The following KCNQ5 variants were observed in gnomAD, a reference collection of about 807,000 sequenced individuals.
The protein encoded by KCNQ5 is potassium voltage-gated channel subfamily Q member 5.
Under a neutral mutation model 98.2 loss-of-function variants are expected in KCNQ5, and 30 were observed. The observed-to-expected ratio is 0.31, with a 90% CI of 0.23 to 0.41. KCNQ5 has a LOEUF of 0.41. Ranked by LOEUF, KCNQ5 falls within the 10% of genes least tolerant of loss-of-function variation. KCNQ5 has a pLI of 1.00. For synonymous variants in KCNQ5, 458 were observed against 449.4 expected, an observed-to-expected ratio of 1.02 and a Z score of -0.24; for missense variants, 835 against 1,182.5, an observed-to-expected ratio of 0.71 and a Z score of 4.31.
chr6:72,961,503 T>A (rs1267992558), intron 1 of KCNQ5, among the ~76,000 whole-genome samples: 1 of 151,326 alleles, frequency 6.6e-6, no homozygotes, highest in Non-Finnish European at 1.5e-5. Context: ...GCGCCTGTAG[T>A]CCCAGCTACT....
chr6:72,655,660 TAGG>T (rs1338910391), intron 1 of KCNQ5, among the ~76,000 whole-genome samples: 1 of 152,128 alleles, frequency 6.6e-6, no homozygotes, highest in East Asian at 1.9e-4. Flanking sequence ...GGAAGACTGA[TAGG>T]AGATTTGGAT....
chr6:72,758,276 C>A (rs1772077578), intron 1 of KCNQ5, among the ~76,000 whole-genome samples: 2 of 152,090 alleles, frequency 1.3e-5, no homozygotes, highest in South Asian at 4.1e-4. Flanking sequence ...TAACTTAAAT[C>A]TTCCCAGCCC....
chr6:72,680,775 G>A (rs916087408), intron 1 of KCNQ5, among the ~76,000 whole-genome samples: 2 of 152,126 alleles, frequency 1.3e-5, no homozygotes, highest in African/African-American at 4.8e-5. Context: ...TTTCAATTAA[G>A]TATAAAAATA....
intron 1 of KCNQ5, among the ~76,000 whole-genome samples, chr6:72,784,365 G>A (rs1773633292): frequency 1.3e-5 from 2 of 152,216 alleles, no homozygotes; most frequent in Non-Finnish European, 1.5e-5. Flanking sequence ...AACCAGATAA[G>A]TGGATGAAAG....
chr6:73,058,020 T>G (rs1582272989), intron 3 of KCNQ5, among the ~76,000 whole-genome samples: 1 of 152,306 alleles, frequency 6.6e-6, no homozygotes, highest in African/African-American at 2.4e-5. Context: ...TAAATGGTGC[T>G]GGGATAACTG....
intron 5 of KCNQ5, among the ~76,000 whole-genome samples, chr6:73,088,250 G>A (rs554715825): frequency 1.3e-4 from 20 of 151,888 alleles, no homozygotes; most frequent in Non-Finnish European, 2.5e-4. Flanking sequence ...CAAACTCCTG[G>A]CCTCAGGTGA....
intron 1 of KCNQ5, among the ~76,000 whole-genome samples, chr6:72,733,138 G>A (rs1770640639): frequency 6.6e-6 from 1 of 152,108 alleles, no homozygotes; most frequent in African/African-American, 2.4e-5. Flanking sequence ...TAAGTTTAAG[G>A]GTAGCCTTAA....
intron 1 of KCNQ5, among the ~76,000 whole-genome samples, chr6:72,708,432 C>T (rs766477234): frequency 1.3e-5 from 2 of 152,022 alleles, no homozygotes; most frequent in Non-Finnish European, 2.9e-5. Context: ...TTCTTTTAGA[C>T]GTTCTTAAAG....
chr6:73,020,702 G>T (rs1415597150), intron 2 of KCNQ5, among the ~76,000 whole-genome samples: 2 of 151,928 alleles, frequency 1.3e-5, no homozygotes, highest in African/African-American at 4.8e-5. Context: ...GCTGCCTAGG[G>T]GTTTCCAGCT....
Position 72,787,134 on chromosome 6 carries a change from C to T in KCNQ5, c.398+164547C>T, listed in dbSNP as rs192548810. On this transcript the variant is annotated intron_variant, in intron 1 of 13. Transcript: ENST00000370398. The stretch of plus-strand genomic sequence containing the variant: ...CTGACCTGTGAGACAAATGCAGCCC[C>T]CCACCTGTTTTTGTACAGCCACAAA... Among the ~76,000 whole-genome samples the T allele has an allele frequency of 3.0e-4, 46 of 152,228 alleles. 1 individual carries two copies. In the East Asian group the frequency reaches 7.5e-3, roughly 25 times the overall value.
At chr6:73,083,066 T>C (rs1643394098) in intron 5 of KCNQ5, among the ~76,000 whole-genome samples, 1 of 151,984 alleles carries the variant, frequency 6.6e-6, no homozygotes, top group South Asian at 2.1e-4. Flanking sequence ...AATTTTTTAC[T>C]AATTTTTTGA....
rs1321196238 is a variant in KCNQ5, at chr6:72,933,503, T to C, written c.399-70405T>C. ...GATTTGCACCTTGCTTCTAACCATA[T>C]CGTGTTTGCTCAGTCTCTGCTCTGA... On this transcript the variant is annotated intron_variant, in intron 1 of 13. Transcript: ENST00000370398. Among the ~76,000 whole-genome samples the C allele has an allele frequency of 2.0e-5, 3 of 152,274 alleles. No individual in the cohort carries two copies. The South Asian group carries it at 6.2e-4, about 32-fold the overall frequency.
chr6:72,984,503 G>T (rs1768649093), intron 1 of KCNQ5, among the ~76,000 whole-genome samples: 2 of 152,180 alleles, frequency 1.3e-5, no homozygotes, highest in Admixed American at 1.3e-4. Context: ...CCATAGGCGT[G>T]AGACCCATCG....
Position 72,941,357 on chromosome 6 carries a change from T to TTTCCTTCCTTCCTTCCTTCC in KCNQ5, c.399-62549_399-62548insCCTTCCTTCCTTCCTTCCTT, listed in dbSNP as rs1766239727. ...CCTTCCTTCCTTTCTTCCTTCCTTC[T>TTTCCTTCCTTCCTTCCTTCC]TTTCTTCCTTCCTTCTTTCCTCCTT... On this transcript the variant is annotated intron_variant, in intron 1 of 13. Transcript: ENST00000370398. Among the ~76,000 whole-genome samples the TTTCCTTCCTTCCTTCCTTCC allele has an allele frequency of 3.1e-4, 11 of 35,972 alleles. No homozygotes were observed. In the South Asian group the frequency reaches 0.017, roughly 55 times the overall value. 23.6% of individuals were successfully genotyped at this position (35,972 alleles called of 152,430 possible).
chr6:72,885,980 C>T (rs1358578153), intron 1 of KCNQ5, among the ~76,000 whole-genome samples: 6 of 152,086 alleles, frequency 3.9e-5, no homozygotes, highest in African/African-American at 1.4e-4. Flanking sequence ...GTGTGTTCCC[C>T]CAAACCTAAG....
intron 1 of KCNQ5, chr6:72,986,758 C>T: frequency 1.4e-6 from 2 of 1,479,132 alleles, no homozygotes; most frequent in Non-Finnish European, 1.9e-6. Flanking sequence ...CCTCCCCAGA[C>T]CCCAGACAGG....
intron 1 of KCNQ5, among the ~76,000 whole-genome samples, chr6:72,870,788 G>T (rs558318225): frequency 6.6e-6 from 1 of 152,058 alleles, no homozygotes; most frequent in Non-Finnish European, 1.5e-5. Flanking sequence ...ATTATACAGT[G>T]TACTAATAAT....
At chr6:72,664,240 A>G (rs1158016580) in intron 1 of KCNQ5, among the ~76,000 whole-genome samples, 2 of 152,226 alleles carry the variant, frequency 1.3e-5, no homozygotes, top group Non-Finnish European at 2.9e-5. Flanking sequence ...CAAAAAAGGA[A>G]AAGTTCACAC....
chr6:73,005,914 G>A (rs1427194005), intron 2 of KCNQ5, among the ~76,000 whole-genome samples: 1 of 152,158 alleles, frequency 6.6e-6, no homozygotes, highest in Non-Finnish European at 1.5e-5. Context: ...AACCTACCTA[G>A]AAATATGCAG....
Sources: allele counts gnomAD v4.1 joint callset (sites outside exome capture counted in the v4.1 genomes callset), GRCh38; gene constraint gnomAD v4.1.1; transcripts MANE v1.5; gene names NCBI Gene and HGNC (gene_info 2026-07-23, HGNC 2026-07-21).